SGK3: variants seen among roughly 807,000 people sequenced by gnomAD.
SGK3 encodes the protein serine/threonine-protein kinase Sgk3.
SGK3 carries 47 observed loss-of-function variants against 68.5 expected under a neutral mutation model. The ratio of observed to expected loss-of-function variants is 0.69; its 90% CI spans 0.54 to 0.87. The LOEUF is 0.87. SGK3 is among the 40% of genes least tolerant of loss of function. SGK3 has a pLI of 0.00. For synonymous variants in SGK3, 181 were observed against 189.1 expected (o/e 0.96, Z 0.35); for missense variants, 479 against 575.5 (o/e 0.83, Z 1.72).
chr8:66,800,320 GACGGA>G, intron 3 of SGK3, among the ~76,000 whole-genome samples: 1 of 148,252 alleles, frequency 6.7e-6, no homozygotes, highest in South Asian at 2.1e-4. Context: ...CAGCCTGGGT[GACGGA>G]GCGAGACTCT....
intron 1 of SGK3, among the ~76,000 whole-genome samples, 178 bp downstream of exon 1, chr8:66,713,011 A>C (rs1018348532): frequency 2.0e-5 from 3 of 152,154 alleles, no homozygotes; most frequent in African/African-American, 7.2e-5. Context: ...TGTTTCCACG[A>C]GGTGAATTCA....
rs978469546 is a variant in SGK3, at chr8:66,859,841, A to G, written c.*260A>G. 5 of 305,912 alleles carry G rather than the reference A, an allele frequency of 1.6e-5. No individual in the cohort carries two copies. Among genetic ancestry groups the G allele is most frequent in the Admixed American group, 4.8e-5 (1 of 20,786 alleles). The allele number at this position is 305,912 out of a possible 1,614,324, so 18.9% of individuals were successfully genotyped here. On this transcript the variant is annotated 3_prime_UTR_variant, in exon 17 of 17. Transcript: ENST00000521198. Reference sequence around the variant, plus strand: ...AAGCTATTATTCTTAGCATTAACCTATTTTTAAAGAAACCTTTTTTGCTAT... The same window carrying G: ...AAGCTATTATTCTTAGCATTAACCTGTTTTTAAAGAAACCTTTTTTGCTAT...
intron 1 of SGK3, among the ~76,000 whole-genome samples, chr8:66,789,089 T>C (rs1276079886): frequency 6.6e-6 from 1 of 151,072 alleles, no homozygotes; most frequent in African/African-American, 2.4e-5. Flanking sequence ...TCAGTAGTCA[T>C]ACCAGATGTC....
At chr8:66,811,593 T>C (rs906820661) in intron 4 of SGK3, among the ~76,000 whole-genome samples, 4 of 152,216 alleles carry the variant, frequency 2.6e-5, no homozygotes, top group African/African-American at 9.6e-5. Context: ...CTTTACATAG[T>C]GATTTTGAAA....
At chr8:66,730,020 C>T (rs1805101337) in intron 1 of SGK3, among the ~76,000 whole-genome samples, 1 of 152,022 alleles carries the variant, frequency 6.6e-6, no homozygotes, top group African/African-American at 2.4e-5. Context: ...AGGATTACAC[C>T]AGCCACCCAG....
chr8:66,840,772 C>T, intron 12 of SGK3: 1 of 259,262 alleles, frequency 3.9e-6, no homozygotes, highest in Non-Finnish European at 7.2e-6. Flanking sequence ...CATGGCGAAA[C>T]ACCATCTCTA....
At chr8:66,827,001 T>C (rs1237366593) in intron 6 of SGK3, among the ~76,000 whole-genome samples, 17 of 152,236 alleles carry the variant, frequency 1.1e-4, no homozygotes, top group Middle Eastern at 3.4e-3. Flanking sequence ...TTTTAAAAAA[T>C]AGTTTATATT....
chr8:66,733,892 T>G (rs1172606436), intron 1 of SGK3, among the ~76,000 whole-genome samples: 1 of 152,216 alleles, frequency 6.6e-6, no homozygotes, highest in Non-Finnish European at 1.5e-5. Flanking sequence ...GCAGTGTCAT[T>G]TAGCTTGGCA....
intron 1 of SGK3, among the ~76,000 whole-genome samples, chr8:66,786,208 T>A (rs764486128): frequency 2.8e-4 from 43 of 152,310 alleles, no homozygotes; most frequent in Non-Finnish European, 4.6e-4. Context: ...TTAAAAAAAT[T>A]TATGAACTTT....
At chr8:66,844,435 G>T (rs1431510514) in intron 14 of SGK3, among the ~76,000 whole-genome samples, 1 of 152,138 alleles carries the variant, frequency 6.6e-6, no homozygotes, top group East Asian at 1.9e-4. Flanking sequence ...CACATAGGCT[G>T]GCCAGAGCTT....
Position 66,840,035 on chromosome 8 carries a change from T to C in SGK3, c.774T>C (p.Phe258=). ...TCCACTTACAAAGAGAACGGTCCTT[T>C]CCTGAGCACAGAGCTAGGTTTTACG... is the stretch of plus-strand genomic sequence containing the variant. ...LFFHLQRERS[F]PEHRARFYAA... is the part of the protein sequence containing the mutation. The change falls in exon 11 of 17, where the codon TTT becomes TTC. Residue 258 remains phenylalanine (F), a synonymous_variant. Transcript: ENST00000521198. The C allele has an allele frequency of 6.2e-7, 1 of 1,613,990 alleles. No individual in the cohort carries two copies. The highest frequency in any genetic ancestry group is 8.5e-7 in the Non-Finnish European group (1 of 1,179,960).
intron 1 of SGK3, among the ~76,000 whole-genome samples, chr8:66,733,512 TAATG>T (rs1486862664): frequency 1.3e-5 from 2 of 152,200 alleles, no homozygotes; most frequent in African/African-American, 4.8e-5. Flanking sequence ...ATGCTTGACA[TAATG>T]AAGGGCACAA....
chr8:66,840,837 G>T (rs1385179255), intron 12 of SGK3, 187 bp from the exon 13 acceptor site: 1 of 346,816 alleles, frequency 2.9e-6, no homozygotes. Flanking sequence ...AGCTACTCAG[G>T]AGACTGAAGC....
chr8:66,747,621 G>C (rs1003620281), intron 1 of SGK3, among the ~76,000 whole-genome samples: 3 of 151,974 alleles, frequency 2.0e-5, no homozygotes, highest in Non-Finnish European at 4.4e-5. Flanking sequence ...GCAGTGATGT[G>C]ATCTCAGCTC....
intron 1 of SGK3, 93 bp downstream of exon 1, chr8:66,712,926 G>C (rs993930954): frequency 1.3e-5 from 2 of 152,062 alleles, no homozygotes; most frequent in African/African-American, 4.8e-5. Context: ...GGCTGCCCGG[G>C]CCTCGGCCGC....
chr8:66,763,960 T>G (rs947803177), intron 1 of SGK3, among the ~76,000 whole-genome samples: 8 of 152,170 alleles, frequency 5.3e-5, no homozygotes, highest in African/African-American at 1.7e-4. Context: ...GCCTCAACCA[T>G]CAGGGCTCAA....
intron 1 of SGK3, among the ~76,000 whole-genome samples, chr8:66,735,138 A>T (rs767597891): frequency 1.3e-5 from 2 of 152,296 alleles, no homozygotes; most frequent in South Asian, 2.1e-4. Context: ...AACATAGTCT[A>T]TGTAGGGTTT....
intron 1 of SGK3, among the ~76,000 whole-genome samples, chr8:66,780,218 A>G (rs1806918460): frequency 1.3e-5 from 2 of 152,194 alleles, no homozygotes; most frequent in African/African-American, 2.4e-5. Flanking sequence ...GAGACTGATG[A>G]AGGAATAATG....
At chr8:66,784,450 T>G (rs927176331) in intron 1 of SGK3, among the ~76,000 whole-genome samples, 4 of 152,172 alleles carry the variant, frequency 2.6e-5, no homozygotes, top group African/African-American at 9.7e-5. Context: ...GTGATACTTA[T>G]GAGTGTATCT....
Sources: allele counts gnomAD v4.1 joint callset (sites outside exome capture counted in the v4.1 genomes callset), GRCh38; gene constraint gnomAD v4.1.1; transcripts MANE v1.5; gene names NCBI Gene and HGNC (gene_info 2026-07-23, HGNC 2026-07-21).